LRP1B: variants seen among roughly 807,000 people sequenced by gnomAD.
LRP1B encodes the protein low-density lipoprotein receptor-related protein 1B.
Under a neutral mutation model 556.6 loss-of-function variants are expected in LRP1B, and 217 were observed. That is an observed-to-expected ratio of 0.39 (90% CI 0.35 to 0.44). The LOEUF is 0.44. Ranked by LOEUF, LRP1B falls within the 20% of genes least tolerant of loss-of-function variation. The probability of loss-of-function intolerance (pLI) is 1.00; values close to 1 mark genes in which losing one functional copy is unlikely to be tolerated. For synonymous variants in LRP1B, 2,047 were observed against 1,865.8 expected (o/e 1.10, Z -2.50); for missense variants, 5,053 against 5,620.8 (o/e 0.90, Z 3.23).
intron 41 of LRP1B, among the ~76,000 whole-genome samples, chr2:140,631,390 A>G (rs2105277257): frequency 6.6e-6 from 1 of 152,374 alleles, no homozygotes; most frequent in East Asian, 1.9e-4. Context: ...AACAATAATT[A>G]TAAGTTAAAG....
chr2:141,797,035 A>G (rs1410596468), intron 2 of LRP1B, among the ~76,000 whole-genome samples: 2 of 150,630 alleles, frequency 1.3e-5, no homozygotes, highest in Admixed American at 6.6e-5. Flanking sequence ...TCACAAAACA[A>G]TTGTGTAAAT....
chr2:141,493,655 G>A (rs1462574662), intron 2 of LRP1B, among the ~76,000 whole-genome samples: 2 of 152,122 alleles, frequency 1.3e-5, no homozygotes, highest in African/African-American at 4.8e-5. Flanking sequence ...CTCTCGCTCT[G>A]CCCACCTGTG....
At chr2:141,815,078 C>A (rs558428255) in intron 1 of LRP1B, among the ~76,000 whole-genome samples, 1 of 152,030 alleles carries the variant, frequency 6.6e-6, no homozygotes, top group Non-Finnish European at 1.5e-5. Flanking sequence ...CTGAGGGAAA[C>A]ATACCACTAG....
intron 2 of LRP1B, among the ~76,000 whole-genome samples, chr2:141,689,439 T>C (rs187724011): frequency 6.6e-6 from 1 of 151,874 alleles, no homozygotes; most frequent in East Asian, 1.9e-4. Flanking sequence ...CAATCTATAA[T>C]AAGGAGAAAA....
chr2:140,458,060 C>T (rs1478192720), intron 60 of LRP1B, among the ~76,000 whole-genome samples: 1 of 151,692 alleles, frequency 6.6e-6, no homozygotes, highest in African/African-American at 2.4e-5. Context: ...AACTTAAATA[C>T]CTAAATCTAA....
At chr2:140,730,469 A>T (rs748971919) in intron 35 of LRP1B, among the ~76,000 whole-genome samples, 1 of 152,240 alleles carries the variant, frequency 6.6e-6, no homozygotes, top group Non-Finnish European at 1.5e-5. Flanking sequence ...ATAAGACATG[A>T]ACAAAAATAT....
At chr2:140,667,012 A>T (rs1685301701) in intron 41 of LRP1B, among the ~76,000 whole-genome samples, 1 of 152,194 alleles carries the variant, frequency 6.6e-6, no homozygotes, top group Non-Finnish European at 1.5e-5. Context: ...TTATTATCAT[A>T]TTCTCAGCAG....
intron 66 of LRP1B, among the ~76,000 whole-genome samples, chr2:140,388,062 G>T (rs546810572): frequency 6.6e-6 from 1 of 151,318 alleles, no homozygotes; most frequent in Non-Finnish European, 1.5e-5. Context: ...TCAGCCTCCC[G>T]AGTAGCTGGG....
Position 141,433,341 on chromosome 2 carries a change from G to A in LRP1B, c.343+47055C>T, listed in dbSNP as rs536923001. On this transcript the variant is annotated intron_variant, in intron 3 of 90. Coordinates refer to ENST00000389484, the MANE Select transcript of LRP1B (RefSeq NM_018557.3). ...AGTCCTATCCTAGAAAGTGGTCCGTGTGTGCTTAAGAAGAGCGTGTATTCT... is the reference window on the plus strand; with the variant it reads ...AGTCCTATCCTAGAAAGTGGTCCGTATGTGCTTAAGAAGAGCGTGTATTCT... Among the ~76,000 whole-genome samples the A allele has an allele frequency of 2.6e-5, 4 of 152,150 alleles. No homozygotes were observed. The South Asian group carries it at 8.3e-4, about 32-fold the overall frequency.
intron 6 of LRP1B, among the ~76,000 whole-genome samples, chr2:141,225,576 A>G (rs1328264417): frequency 3.9e-5 from 6 of 152,196 alleles, no homozygotes; most frequent in Non-Finnish European, 7.3e-5. Context: ...TTTTTAAAAA[A>G]CAAGTTTTGC....
At chr2:141,564,226 A>G (rs1460652879) in intron 2 of LRP1B, among the ~76,000 whole-genome samples, 1 of 152,112 alleles carries the variant, frequency 6.6e-6, no homozygotes, top group African/African-American at 2.4e-5. Context: ...TAAGAGAGAT[A>G]ATGTGGAACA....
At position 142,074,588 on chromosome 2, in the gene LRP1B, C is replaced by T. The variant is rs1424854831; in HGVS notation, c.82+56060G>A. 2.0e-5 allele frequency among the ~76,000 whole-genome samples: 3 copies of T among 152,020 alleles called. No individual in the cohort carries two copies. In the South Asian group the frequency reaches 6.2e-4, roughly 31 times the overall value. ...AGAACTCCTGTGGGAATATCACATT[C>T]AATATGTTTCCAGCTGGAAAACCAC... On this transcript the variant is annotated intron_variant, in intron 1 of 90. Coordinates refer to ENST00000389484, the MANE Select transcript of LRP1B (RefSeq NM_018557.3).
chr2:141,817,000 C>T (rs755767847), intron 1 of LRP1B, among the ~76,000 whole-genome samples: 1 of 151,996 alleles, frequency 6.6e-6, no homozygotes, highest in Non-Finnish European at 1.5e-5. Context: ...TATTCCATTT[C>T]AAATTCAGTT....
At chr2:140,442,025 A>T (rs1398576923) in intron 66 of LRP1B, among the ~76,000 whole-genome samples, 1 of 152,210 alleles carries the variant, frequency 6.6e-6, no homozygotes, top group Non-Finnish European at 1.5e-5. Context: ...GACTGAAATG[A>T]TCACTGTCAT....
At chr2:140,834,901 TGTAA>T (rs1691846823) in intron 31 of LRP1B, among the ~76,000 whole-genome samples, 1 of 152,238 alleles carries the variant, frequency 6.6e-6, no homozygotes. Context: ...AAAATTGGTG[TGTAA>T]ATTTCCAGTT....
In LRP1B at chr2:141,290,678, C is replaced by T. The variant is rs568589514; in HGVS notation, c.344-36037G>A. Among the ~76,000 whole-genome samples the T allele has an allele frequency of 4.6e-5, 7 of 152,028 alleles. No individual in the cohort carries two copies. In the East Asian group the frequency reaches 1.4e-3, roughly 29 times the overall value. On this transcript the variant is annotated intron_variant, in intron 3 of 90. Coordinates refer to ENST00000389484, the MANE Select transcript of LRP1B (RefSeq NM_018557.3). The stretch of plus-strand genomic sequence containing the variant: ...AAATATTAAGCATGTATCAATGGTT[C>T]AGTAGGAAACAAACAAACAAACAAA...
chr2:141,632,040 T>A (rs987161952), intron 2 of LRP1B, among the ~76,000 whole-genome samples: 1 of 151,860 alleles, frequency 6.6e-6, no homozygotes, highest in Admixed American at 6.6e-5. Context: ...CCACCTCAGC[T>A]TCCTCAGTAG....
At chr2:141,499,439 C>T (rs1445714252) in intron 2 of LRP1B, among the ~76,000 whole-genome samples, 1 of 152,016 alleles carries the variant, frequency 6.6e-6, no homozygotes, top group Non-Finnish European at 1.5e-5. Flanking sequence ...GTTCTTTTCG[C>T]TTTGTATCCT....
At chr2:141,796,692 A>G (rs578222404) in intron 2 of LRP1B, among the ~76,000 whole-genome samples, 17 of 151,878 alleles carry the variant, frequency 1.1e-4, no homozygotes, top group African/African-American at 3.6e-4. Flanking sequence ...TAACAGAGAC[A>G]GCTATATTAT....
Sources: allele counts gnomAD v4.1 joint callset (sites outside exome capture counted in the v4.1 genomes callset), GRCh38; gene constraint gnomAD v4.1.1; transcripts MANE v1.5; gene names NCBI Gene and HGNC (gene_info 2026-07-23, HGNC 2026-07-21).